ARHGEF10L: variants seen among roughly 807,000 people sequenced by gnomAD.
ARHGEF10L encodes the protein rho guanine nucleotide exchange factor 10-like protein.
A neutral mutation model predicts 141.2 loss-of-function variants in ARHGEF10L; 69 were observed. That is an observed-to-expected ratio of 0.49 (90% CI 0.40 to 0.60). The LOEUF (loss-of-function observed/expected upper bound fraction) is 0.60. ARHGEF10L is among the 20% of genes least tolerant of loss of function. The pLI, the probability that ARHGEF10L is intolerant of heterozygous loss-of-function variation, is 0.00. For missense variants in ARHGEF10L, 1,482 were observed against 1,734.3 expected (o/e 0.85, Z 2.58); for synonymous variants, 711 against 718.5 (o/e 0.99, Z 0.17).
chr1:17,548,214 C>T (rs1302320281), intron 1 of ARHGEF10L, among the ~76,000 whole-genome samples: 1 of 151,944 alleles, frequency 6.6e-6, no homozygotes, highest in African/African-American at 2.4e-5. Flanking sequence ...ATTAAACTGA[C>T]AAAAGACAGA....
chr1:17,605,285 C>T lies in ARHGEF10L; in HGVS notation c.433+1694C>T, dbSNP rs138799210. Among the ~76,000 whole-genome samples the T allele has an allele frequency of 2.6e-5, 4 of 152,194 alleles. 1 individual carries two copies. The highest frequency in any genetic ancestry group is 2.1e-4 in the South Asian group (1 of 4,812). On this transcript the variant is annotated intron_variant, in intron 6 of 28. Coordinates refer to ENST00000361221, the MANE Select transcript of ARHGEF10L (RefSeq NM_018125.4). ...CTTCTTCACATAAAGCAGGAAAATCCCCAGCTCACAGGCCTTTGGGGAGGG... is the reference window on the plus strand; with the variant it reads ...CTTCTTCACATAAAGCAGGAAAATCTCCAGCTCACAGGCCTTTGGGGAGGG...
At chr1:17,526,207 C>G in the ARHGEF10L span, among the ~76,000 whole-genome samples, 1 of 152,120 alleles carries the variant, frequency 6.6e-6, no homozygotes, top group East Asian at 1.9e-4. Flanking sequence ...TGTGTGGCTG[C>G]AAAGCCCAGG....
chr1:17,583,994 G>T (rs1037726465), intron 2 of ARHGEF10L, among the ~76,000 whole-genome samples: 2 of 151,906 alleles, frequency 1.3e-5, no homozygotes, highest in African/African-American at 2.4e-5. Flanking sequence ...TGAGACTGCC[G>T]GCACATACCA....
chr1:17,577,073 T>A (rs1380350946), intron 1 of ARHGEF10L, among the ~76,000 whole-genome samples: 1 of 152,250 alleles, frequency 6.6e-6, no homozygotes, highest in Non-Finnish European at 1.5e-5. Flanking sequence ...TGAGACAGTC[T>A]TGCTCTGTCG....
chr1:17,518,606 A>G, the ARHGEF10L span, among the ~76,000 whole-genome samples: 2 of 151,658 alleles, frequency 1.3e-5, no homozygotes, highest in Non-Finnish European at 2.9e-5. Flanking sequence ...AGCCTAGCCA[A>G]CATGGTGAAA....
intron 28 of ARHGEF10L, among the ~76,000 whole-genome samples, chr1:17,696,246 A>G (rs1371376961): frequency 6.7e-6 from 1 of 148,726 alleles, no homozygotes; most frequent in Non-Finnish European, 1.5e-5. Flanking sequence ...CTAAATTCTG[A>G]GATTTTCTAT....
intron 26 of ARHGEF10L, among the ~76,000 whole-genome samples, chr1:17,677,571 C>T (rs891558485): frequency 6.6e-6 from 1 of 152,306 alleles, no homozygotes; most frequent in African/African-American, 2.4e-5. Context: ...GGACCTGCCT[C>T]TCTGATATGG....
intron 25 of ARHGEF10L, among the ~76,000 whole-genome samples, chr1:17,662,763 C>T (rs548375894): frequency 2.0e-4 from 31 of 152,236 alleles, no homozygotes; most frequent in South Asian, 4.1e-4. Context: ...GCTTCCATCA[C>T]GTACCCTGGG....
intron 4 of ARHGEF10L, among the ~76,000 whole-genome samples, chr1:17,594,173 T>C (rs2079856399): frequency 1.3e-5 from 2 of 151,960 alleles, no homozygotes; most frequent in Non-Finnish European, 2.9e-5. Context: ...ACTTCTTACA[T>C]GCTGCGCTCT....
chr1:17,663,987 C>T (rs1055892758), intron 25 of ARHGEF10L, among the ~76,000 whole-genome samples: 1 of 152,180 alleles, frequency 6.6e-6, no homozygotes, highest in Non-Finnish European at 1.5e-5. Flanking sequence ...CACACCTGCT[C>T]ATTTGTGCTT....
intron 1 of ARHGEF10L, among the ~76,000 whole-genome samples, chr1:17,556,852 T>C (rs1233690358): frequency 6.6e-6 from 1 of 152,178 alleles, no homozygotes; most frequent in African/African-American, 2.4e-5. Flanking sequence ...AAAAGGCCGT[T>C]AGACTCTTTG....
intron 26 of ARHGEF10L, among the ~76,000 whole-genome samples, chr1:17,684,303 A>G (rs2064382133): frequency 6.6e-6 from 1 of 152,204 alleles, no homozygotes; most frequent in African/African-American, 2.4e-5. Context: ...TCCTTGAAGG[A>G]ACATACATCG....
chr1:17,634,631 T>A (rs968865862), intron 17 of ARHGEF10L, 69 bp downstream of exon 17: 102 of 1,590,028 alleles, frequency 6.4e-5, no homozygotes, highest in Non-Finnish European at 8.7e-5. Flanking sequence ...CATGTGATTC[T>A]GGATATGGGG....
At chr1:17,676,511 G>A (rs897757389) in intron 26 of ARHGEF10L, among the ~76,000 whole-genome samples, 60 of 151,966 alleles carry the variant, frequency 3.9e-4, no homozygotes, top group Non-Finnish European at 8.7e-4. Flanking sequence ...TCATGCAGGC[G>A]AGGCCTGCAG....
chr1:17,697,726 G>A lies in ARHGEF10L; in HGVS notation c.*346G>A, dbSNP rs550682315. On this transcript the variant is annotated 3_prime_UTR_variant, in exon 29 of 29. Coordinates refer to ENST00000361221, the MANE Select transcript of ARHGEF10L (RefSeq NM_018125.4). The surrounding 1 kb of genome is among the most constrained non-coding windows in gnomAD (Gnocchi z 4.8). ...ACGCCCCTCCTGGAAGGGTGTGTGC[G>A]TGTGAGTGTGTGCGAGTGTGTGGGC... 27 of 506,016 alleles carry A rather than the reference G, an allele frequency of 5.3e-5. No homozygotes were observed. Among genetic ancestry groups the A allele is most frequent in the East Asian group, 3.2e-4 (6 of 18,744 alleles). The allele number at this position is 506,016 out of a possible 1,614,324, so 31.3% of individuals were successfully genotyped here.
At chr1:17,618,312 C>G in intron 9 of ARHGEF10L, 1 of 1,487,242 alleles carries the variant, frequency 6.7e-7, no homozygotes. Flanking sequence ...CCTGCAGAGG[C>G]GATATTAATA....
chr1:17,640,821 A>C (rs1403884122), intron 21 of ARHGEF10L, among the ~76,000 whole-genome samples: 3 of 152,224 alleles, frequency 2.0e-5, no homozygotes, highest in African/African-American at 7.2e-5. Flanking sequence ...AGACCTCGTT[A>C]CTATGTTTTT....
chr1:17,543,913 G>T (rs1557686861), intron 1 of ARHGEF10L, among the ~76,000 whole-genome samples: 1 of 151,476 alleles, frequency 6.6e-6, no homozygotes, highest in Non-Finnish European at 1.5e-5. Flanking sequence ...CTCCCAAAGT[G>T]CTGGGATTAC....
At position 17,654,936 on chromosome 1, in the gene ARHGEF10L, A is replaced by T. The variant is rs3737769; in HGVS notation, c.2481+214A>T. On this transcript the variant is annotated intron_variant, in intron 23 of 28. Coordinates refer to ENST00000361221, the MANE Select transcript of ARHGEF10L (RefSeq NM_018125.4). This position sits in a 1 kb window ranked among gnomAD's most constrained non-coding sequence, Gnocchi z 4.3. ...GGGCAACAGAAAACCAGGGAGCTAAAAAGAGAGTGTGCCTTTTGCAAATGG... is the reference window on the plus strand; with the variant it reads ...GGGCAACAGAAAACCAGGGAGCTAATAAGAGAGTGTGCCTTTTGCAAATGG... 0.052 allele frequency among the ~76,000 whole-genome samples: 7,961 copies of T among 152,246 alleles called. 649 individuals are homozygous for T. Among genetic ancestry groups the T allele is most frequent in the African/African-American group, 0.17 (7,210 of 41,516 alleles).
Sources: allele counts gnomAD v4.1 joint callset (sites outside exome capture counted in the v4.1 genomes callset), GRCh38; gene constraint gnomAD v4.1.1; non-coding constraint Gnocchi (gnomAD v3.1); transcripts MANE v1.5; gene names NCBI Gene and HGNC (gene_info 2026-07-23, HGNC 2026-07-21).